Variants in XKR9 observed in about 807,000 individuals in gnomAD.
XKR9 encodes XK-related protein 9.
In XKR9, 32 loss-of-function variants were observed where a neutral mutation model predicts 32.0. The ratio of observed to expected loss-of-function variants is 1.00; its 90% CI spans 0.76 to 1.34. The LOEUF is 1.34. XKR9 is among the 40% of genes most tolerant of loss of function. XKR9 has a pLI of 0.00. For synonymous variants in XKR9, 168 were observed against 143.4 expected, an observed-to-expected ratio of 1.17 and a Z score of -1.22; for missense variants, 546 against 429.7, an observed-to-expected ratio of 1.27 and a Z score of -2.39.
chr8:71,051,528 GGTGT>G, the XKR9 span, among the ~76,000 whole-genome samples: 43 of 40,296 alleles, frequency 1.1e-3, no homozygotes, highest in East Asian at 6.3e-3. Flanking sequence ...GTGGTGGTGG[GGTGT>G]GTGTGTGTGT....
the XKR9 span, among the ~76,000 whole-genome samples, chr8:70,849,161 C>T: frequency 6.6e-6 from 1 of 152,130 alleles, no homozygotes; most frequent in South Asian, 2.1e-4. Context: ...AGCACCACAT[C>T]GCACTTATTC....
intron 3 of XKR9, among the ~76,000 whole-genome samples, chr8:70,701,529 C>A (rs540249198): frequency 6.6e-6 from 1 of 152,288 alleles, no homozygotes; most frequent in East Asian, 1.9e-4. Flanking sequence ...CACCCTTTTC[C>A]TTTCTCTTTG....
chr8:71,030,029 G>A, the XKR9 span, among the ~76,000 whole-genome samples: 2 of 151,852 alleles, frequency 1.3e-5, no homozygotes, highest in Non-Finnish European at 2.9e-5. Context: ...TCTTGGTAAT[G>A]TATAAATCTT....
intron 2 of XKR9, among the ~76,000 whole-genome samples, chr8:70,747,098 T>C (rs1807068946): frequency 6.6e-6 from 1 of 152,228 alleles, no homozygotes; most frequent in South Asian, 2.1e-4. Flanking sequence ...TTTGTTCTTA[T>C]TTATGGCTGT....
At chr8:70,705,858 C>T (rs1012707397) in intron 3 of XKR9, among the ~76,000 whole-genome samples, 2 of 151,968 alleles carry the variant, frequency 1.3e-5, no homozygotes, top group Admixed American at 6.6e-5. Context: ...AGAATCCAGG[C>T]CAGAGAGTTG....
intron 2 of XKR9, among the ~76,000 whole-genome samples, chr8:70,783,421 T>A (rs868427172): frequency 2.0e-5 from 3 of 152,036 alleles, no homozygotes; most frequent in Non-Finnish European, 2.9e-5. Context: ...AGAGATGGGG[T>A]TTCACCGTGT....
intron 4 of XKR9, among the ~76,000 whole-genome samples, chr8:70,713,718 G>A (rs1805996767): frequency 6.6e-6 from 1 of 152,086 alleles, no homozygotes; most frequent in South Asian, 2.1e-4. Context: ...AAATCAGATG[G>A]AGAATAAGTG....
At chr8:70,985,620 C>A in the XKR9 span, among the ~76,000 whole-genome samples, 1 of 152,200 alleles carries the variant, frequency 6.6e-6, no homozygotes, top group South Asian at 2.1e-4. Flanking sequence ...GTGATCATAA[C>A]TTCTAAGGCA....
the XKR9 span, among the ~76,000 whole-genome samples, chr8:70,805,341 C>T: frequency 6.6e-6 from 1 of 152,228 alleles, no homozygotes; most frequent in African/African-American, 2.4e-5. Context: ...CAGAGCTGCG[C>T]ATATTCTCAA....
chr8:70,964,908 A>G, the XKR9 span, among the ~76,000 whole-genome samples: 6 of 152,050 alleles, frequency 3.9e-5, no homozygotes, highest in Non-Finnish European at 5.9e-5. Flanking sequence ...AGTTAATTTC[A>G]CTTCCTCTCT....
the XKR9 span, among the ~76,000 whole-genome samples, chr8:70,848,618 A>G: frequency 6.6e-6 from 1 of 152,110 alleles, no homozygotes; most frequent in Non-Finnish European, 1.5e-5. Context: ...TCATGCAAAA[A>G]TTGCCCAATT....
At chr8:71,036,868 AC>A in the XKR9 span, among the ~76,000 whole-genome samples, 1 of 107,972 alleles carries the variant, frequency 9.3e-6, no homozygotes, top group Non-Finnish European at 1.8e-5. Context: ...ATGAGATTGC[AC>A]CTTTTTTTTT....
the XKR9 span, among the ~76,000 whole-genome samples, chr8:71,017,306 T>C: frequency 6.6e-6 from 1 of 152,224 alleles, no homozygotes; most frequent in African/African-American, 2.4e-5. Flanking sequence ...TCTTACAGTA[T>C]GAATATTTTG....
At chr8:70,700,054 T>A (rs548637930) in intron 3 of XKR9, among the ~76,000 whole-genome samples, 1 of 152,348 alleles carries the variant, frequency 6.6e-6, no homozygotes, top group East Asian at 1.9e-4. Context: ...AAGCACTCTC[T>A]GTATTGGTTA....
chr8:70,925,587 G>A, the XKR9 span, among the ~76,000 whole-genome samples: 1 of 152,238 alleles, frequency 6.6e-6, no homozygotes, highest in South Asian at 2.1e-4. Context: ...AAAAAAATAT[G>A]GTTGGCATAA....
the XKR9 span, among the ~76,000 whole-genome samples, chr8:70,922,226 A>G: frequency 6.6e-6 from 1 of 152,214 alleles, no homozygotes; most frequent in Non-Finnish European, 1.5e-5. Context: ...TGATTCCAAT[A>G]ACTTGTCCCT....
chr8:70,994,743 TTC>T, the XKR9 span, among the ~76,000 whole-genome samples: 1 of 113,284 alleles, frequency 8.8e-6, no homozygotes, highest in South Asian at 2.3e-4. Flanking sequence ...AGATGTTATA[TTC>T]TGTTTTTTTT....
chr8:70,768,387 A>G (rs1586890551), intron 2 of XKR9, among the ~76,000 whole-genome samples: 1 of 152,090 alleles, frequency 6.6e-6, no homozygotes, highest in African/African-American at 2.4e-5. Flanking sequence ...TGAGAAGAAT[A>G]TATATTCTGT....
chr8:70,801,702 G>T, the XKR9 span, among the ~76,000 whole-genome samples: 1 of 152,104 alleles, frequency 6.6e-6, no homozygotes, highest in African/African-American at 2.4e-5. Flanking sequence ...ATCAAGTTCA[G>T]ATCTCAAATA....
Sources: allele counts gnomAD v4.1 joint callset (sites outside exome capture counted in the v4.1 genomes callset), GRCh38; gene constraint gnomAD v4.1.1; transcripts MANE v1.5; gene names NCBI Gene and HGNC (gene_info 2026-07-23, HGNC 2026-07-21).